Variants in TTC27 observed in about 807,000 individuals in gnomAD.
TTC27 encodes tetratricopeptide repeat protein 27.
TTC27 carries 79 observed loss-of-function variants against 115.9 expected under a neutral mutation model. The observed-to-expected ratio is 0.68, with a 90% CI of 0.57 to 0.82. The LOEUF is 0.82. Ranked by LOEUF, TTC27 falls within the 40% of genes least tolerant of loss-of-function variation. TTC27 has a pLI of 0.00. For synonymous variants in TTC27, 401 were observed against 356.0 expected, an observed-to-expected ratio of 1.13 and a Z score of -1.42; for missense variants, 1,054 against 993.1, an observed-to-expected ratio of 1.06 and a Z score of -0.82.
chr2:32,706,250 T>C lies in TTC27; in HGVS notation c.1233+3330T>C, dbSNP rs184353092. On this transcript the variant is annotated intron_variant, in intron 10 of 19. Coordinates refer to ENST00000317907, the MANE Select transcript of TTC27 (RefSeq NM_017735.5). Reference sequence around the variant, plus strand: ...GGCATGTGCCACCATGCCTTGCTAATTTTTGTATTTTTAGTAGAGACGGGG... The same window carrying C: ...GGCATGTGCCACCATGCCTTGCTAACTTTTGTATTTTTAGTAGAGACGGGG... Among the ~76,000 whole-genome samples the C allele has an allele frequency of 2.5e-4, 38 of 150,608 alleles. No individual in the cohort carries two copies. The East Asian group carries it at 7.0e-3, about 28-fold the overall frequency.
intron 5 of TTC27, among the ~76,000 whole-genome samples, chr2:32,655,681 C>T (rs1665289052): frequency 6.6e-6 from 1 of 151,160 alleles, no homozygotes. Flanking sequence ...TCAGAGATTA[C>T]TTTGAGAAGG....
chr2:32,653,243 T>C (rs1665195354), intron 5 of TTC27, among the ~76,000 whole-genome samples: 1 of 152,190 alleles, frequency 6.6e-6, no homozygotes. Flanking sequence ...CAAGTCCTGC[T>C]GTGACATTTC....
At chr2:32,654,031 G>T (rs1055448262) in intron 5 of TTC27, among the ~76,000 whole-genome samples, 7 of 152,116 alleles carry the variant, frequency 4.6e-5, no homozygotes, top group African/African-American at 1.7e-4. Flanking sequence ...ATATTGATCT[G>T]TCTTTTCCAT....
At chr2:32,745,354 AAT>A (rs1668787974) in intron 12 of TTC27, among the ~76,000 whole-genome samples, 1 of 152,142 alleles carries the variant, frequency 6.6e-6, no homozygotes, top group Non-Finnish European at 1.5e-5. Flanking sequence ...CAAGTTTAGT[AAT>A]CTCAGTGGAA....
At chr2:32,672,446 A>G in intron 8 of TTC27, 62 bp downstream of exon 8, 1 of 1,278,230 alleles carries the variant, frequency 7.8e-7, no homozygotes, top group Non-Finnish European at 1.1e-6. Flanking sequence ...TTATGTGTGG[A>G]GAATCTTTAT....
Position 32,666,687 on chromosome 2 carries a change from T to C in TTC27, c.858T>C (p.Ile286=). 2 of 1,614,040 alleles carry C rather than the reference T, an allele frequency of 1.2e-6. No homozygotes were observed. The highest frequency in any genetic ancestry group is 1.7e-6 in the Non-Finnish European group (2 of 1,179,968). Residue 286 remains isoleucine, a synonymous_variant, in exon 7 of 20, where the codon ATT becomes ATC. Transcript: ENST00000317907. ...RFQENYVAQL[I]LDVRREGDVL... ...AGGAAAATTATGTGGCACAACTGAT[T>C]CTAGATGTAAGAAGGGAAGGGGATG...
intron 10 of TTC27, among the ~76,000 whole-genome samples, chr2:32,721,804 T>G (rs893616159): frequency 1.3e-5 from 2 of 152,120 alleles, no homozygotes; most frequent in Non-Finnish European, 2.9e-5. Flanking sequence ...GCCTGGCTAA[T>G]TTTTTCATTT....
intron 13 of TTC27, among the ~76,000 whole-genome samples, chr2:32,766,779 C>T (rs1669641969): frequency 6.6e-6 from 1 of 151,972 alleles, no homozygotes; most frequent in South Asian, 2.1e-4. Context: ...CCTCATATTG[C>T]TTTATTATTT....
chr2:32,753,257 A>G (rs1414876191), intron 12 of TTC27, among the ~76,000 whole-genome samples: 1 of 152,114 alleles, frequency 6.6e-6, no homozygotes, highest in Non-Finnish European at 1.5e-5. Context: ...AACCACACAG[A>G]GGCTGACTGG....
intron 10 of TTC27, among the ~76,000 whole-genome samples, chr2:32,729,674 C>A (rs1357057957): frequency 6.6e-6 from 1 of 152,100 alleles, no homozygotes; most frequent in African/African-American, 2.4e-5. Context: ...GCCCCTACTT[C>A]TGGACCGCGC....
At chr2:32,655,196 T>C (rs1247837293) in intron 5 of TTC27, among the ~76,000 whole-genome samples, 1 of 152,132 alleles carries the variant, frequency 6.6e-6, no homozygotes, top group African/African-American at 2.4e-5. Flanking sequence ...TTTCACCATG[T>C]TGGCCAAGCT....
chr2:32,706,475 A>G (rs1185576165), intron 10 of TTC27, among the ~76,000 whole-genome samples: 2 of 152,142 alleles, frequency 1.3e-5, no homozygotes, highest in East Asian at 3.9e-4. Flanking sequence ...AAATAAATCC[A>G]CAGACAGAAT....
intron 12 of TTC27, among the ~76,000 whole-genome samples, chr2:32,753,518 A>G (rs1386400494): frequency 1.5e-5 from 2 of 136,628 alleles, no homozygotes; most frequent in Non-Finnish European, 3.0e-5. Flanking sequence ...GGTCACTGCA[A>G]CCTCTGCCTC....
At position 32,640,968 on chromosome 2, in the gene TTC27, C is replaced by G. The variant is rs530188164; in HGVS notation, c.537+558C>G. On this transcript the variant is annotated intron_variant, in intron 4 of 19. Coordinates refer to ENST00000317907, the MANE Select transcript of TTC27 (RefSeq NM_017735.5). ...TTGCACTCCAGCCTGGGCAAGAGAACAAGACTGTGTCTCAAAAACAAAACA... is the reference window on the plus strand; with the variant it reads ...TTGCACTCCAGCCTGGGCAAGAGAAGAAGACTGTGTCTCAAAAACAAAACA... Among the ~76,000 whole-genome samples, 19 of 152,122 alleles carry G rather than the reference C, an allele frequency of 1.2e-4. 1 individual carries two copies. In the South Asian group the frequency reaches 2.7e-3, roughly 22 times the overall value.
At chr2:32,793,047 G>T (rs570334055) in intron 16 of TTC27, among the ~76,000 whole-genome samples, 1 of 152,256 alleles carries the variant, frequency 6.6e-6, no homozygotes, top group East Asian at 1.9e-4. Context: ...TTACCTAAAT[G>T]AAATCAAGAT....
At chr2:32,714,038 C>T (rs1200168744) in intron 10 of TTC27, among the ~76,000 whole-genome samples, 1 of 152,070 alleles carries the variant, frequency 6.6e-6, no homozygotes, top group Admixed American at 6.6e-5. Flanking sequence ...TCTGTCCTTG[C>T]ATTAGTTTGC....
chr2:32,655,586 T>G (rs1665286025), intron 5 of TTC27, among the ~76,000 whole-genome samples: 1 of 152,236 alleles, frequency 6.6e-6, no homozygotes, highest in East Asian at 1.9e-4. Context: ...ATGTGACGTT[T>G]TGTAGTCCAG....
At chr2:32,770,706 A>G (rs1034592854) in intron 13 of TTC27, among the ~76,000 whole-genome samples, 1 of 152,094 alleles carries the variant, frequency 6.6e-6, no homozygotes, top group Non-Finnish European at 1.5e-5. Context: ...ATGATACAGT[A>G]CTCTGACATT....
At chr2:32,748,292 G>T (rs1668895971) in intron 12 of TTC27, among the ~76,000 whole-genome samples, 1 of 152,136 alleles carries the variant, frequency 6.6e-6, no homozygotes, top group Non-Finnish European at 1.5e-5. Context: ...TGTGGTTGGA[G>T]AACATACTTT....
Sources: allele counts gnomAD v4.1 joint callset (sites outside exome capture counted in the v4.1 genomes callset), GRCh38; gene constraint gnomAD v4.1.1; transcripts MANE v1.5; gene names NCBI Gene and HGNC (gene_info 2026-07-23, HGNC 2026-07-21).